BCKDHB: variants seen among roughly 807,000 people sequenced by gnomAD.
BCKDHB encodes the protein 2-oxoisovalerate dehydrogenase subunit beta, mitochondrial.
BCKDHB carries 41 observed loss-of-function variants against 48.5 expected under a neutral mutation model. The observed-to-expected ratio is 0.85, with a 90% CI of 0.66 to 1.10. The LOEUF (loss-of-function observed/expected upper bound fraction) is 1.10, where lower values mean the gene tolerates loss of function less well. Among genes scored for constraint, BCKDHB ranks in the 50% least tolerant of loss-of-function variants. The probability of loss-of-function intolerance (pLI) is 0.00; values close to 1 mark genes in which losing one functional copy is unlikely to be tolerated. For synonymous variants in BCKDHB, 201 were observed against 174.8 expected (o/e 1.15, Z -1.18); for missense variants, 496 against 494.2 (o/e 1.00, Z -0.03).
At chr6:80,326,871 A>G (rs1769054890) in intron 9 of BCKDHB, among the ~76,000 whole-genome samples, 1 of 152,132 alleles carries the variant, frequency 6.6e-6, no homozygotes, top group South Asian at 2.1e-4. Flanking sequence ...GTCTCAAAAG[A>G]AAAGAAAAAA....
intron 8 of BCKDHB, among the ~76,000 whole-genome samples, chr6:80,256,261 T>C (rs1777045990): frequency 6.6e-6 from 1 of 152,178 alleles, no homozygotes; most frequent in South Asian, 2.1e-4. Context: ...TTAGGCAATT[T>C]TGTTGTGCAA....
chr6:80,384,359 T>C, the BCKDHB span, among the ~76,000 whole-genome samples: 1 of 123,544 alleles, frequency 8.1e-6, no homozygotes, highest in South Asian at 2.6e-4. Flanking sequence ...TTTTTTTTTT[T>C]TTTTGTTGTT....
intron 9 of BCKDHB, among the ~76,000 whole-genome samples, chr6:80,323,715 C>T (rs1768865980): frequency 6.6e-6 from 1 of 152,200 alleles, no homozygotes; most frequent in South Asian, 2.1e-4. Flanking sequence ...TTTCTTCACA[C>T]TGATTGTGCT....
chr6:80,259,009 C>T (rs1320237549), intron 8 of BCKDHB, among the ~76,000 whole-genome samples: 1 of 152,074 alleles, frequency 6.6e-6, no homozygotes, highest in East Asian at 1.9e-4. Context: ...GATGTCCTGG[C>T]ATGGGGAGTG....
At position 80,252,257 on chromosome 6, in the gene BCKDHB, C is replaced by A. The variant is rs533859320; in HGVS notation, c.952-20878C>A. Among the ~76,000 whole-genome samples the A allele has an allele frequency of 5.3e-5, 8 of 152,126 alleles. No individual in the cohort carries two copies. In the South Asian group the frequency reaches 1.7e-3, roughly 32 times the overall value. ...TAAAGTAACAGAAATTTCCTTCATACAACACTGGACTTATTTTTTTCTATC... is the reference window on the plus strand; with the variant it reads ...TAAAGTAACAGAAATTTCCTTCATAAAACACTGGACTTATTTTTTTCTATC... On this transcript the variant is annotated intron_variant, in intron 8 of 9. Coordinates refer to ENST00000320393, the MANE Select transcript of BCKDHB (RefSeq NM_183050.4).
At chr6:80,310,931 C>T (rs1582549146) in intron 9 of BCKDHB, among the ~76,000 whole-genome samples, 1 of 152,070 alleles carries the variant, frequency 6.6e-6, no homozygotes, top group South Asian at 2.1e-4. Context: ...TGTCCTTTGC[C>T]CACTTTTTAA....
At chr6:80,376,578 A>C in the BCKDHB span, among the ~76,000 whole-genome samples, 4 of 152,068 alleles carry the variant, frequency 2.6e-5, no homozygotes, top group African/African-American at 9.7e-5. Flanking sequence ...CTTAGAGCAA[A>C]AGTTCACAAT....
intron 6 of BCKDHB, among the ~76,000 whole-genome samples, chr6:80,187,695 A>T (rs757993156): frequency 5.1e-4 from 78 of 152,300 alleles, no homozygotes; most frequent in Non-Finnish European, 1.1e-3. Context: ...CAGAAGAAAG[A>T]CAATCATGTA....
the BCKDHB span, among the ~76,000 whole-genome samples, chr6:80,357,333 G>A: frequency 1.3e-5 from 2 of 152,102 alleles, no homozygotes; most frequent in African/African-American, 2.4e-5. Context: ...CAGCCATAAA[G>A]GAAAAAGCAC....
At chr6:80,371,381 T>C in the BCKDHB span, among the ~76,000 whole-genome samples, 5 of 152,148 alleles carry the variant, frequency 3.3e-5, no homozygotes, top group Admixed American at 3.3e-4. Flanking sequence ...AGAGTCAGGA[T>C]ATTAATCTTT....
the BCKDHB span, among the ~76,000 whole-genome samples, chr6:80,438,989 C>T: frequency 6.6e-6 from 1 of 152,172 alleles, no homozygotes. Flanking sequence ...CAGCTATATG[C>T]AGTCATTCAG....
At chr6:80,169,540 A>G (rs530868009) in intron 5 of BCKDHB, among the ~76,000 whole-genome samples, 2 of 152,288 alleles carry the variant, frequency 1.3e-5, no homozygotes, top group South Asian at 2.1e-4. Context: ...TACTTGCTCA[A>G]CCAATTAATT....
At chr6:80,244,853 T>C (rs937496558) in intron 8 of BCKDHB, among the ~76,000 whole-genome samples, 5 of 152,188 alleles carry the variant, frequency 3.3e-5, no homozygotes, top group Non-Finnish European at 5.9e-5. Context: ...TGGATTCTCA[T>C]GGAATATTGG....
At chr6:80,323,979 A>T (rs1005847881) in intron 9 of BCKDHB, among the ~76,000 whole-genome samples, 1 of 152,088 alleles carries the variant, frequency 6.6e-6, no homozygotes, top group Non-Finnish European at 1.5e-5. Context: ...TCACCGTGTT[A>T]GCCAGGGTGG....
the BCKDHB span, among the ~76,000 whole-genome samples, chr6:80,361,023 A>G: frequency 3.3e-5 from 5 of 151,776 alleles, no homozygotes; most frequent in African/African-American, 9.7e-5. Context: ...AAAAAAGAAA[A>G]AAATGAAAAA....
chr6:80,129,610 G>C (rs1398876836), intron 3 of BCKDHB, among the ~76,000 whole-genome samples: 2 of 151,868 alleles, frequency 1.3e-5, no homozygotes, highest in Non-Finnish European at 2.9e-5. Context: ...TTATCTTTTC[G>C]GGAAGAGAGA....
At chr6:80,342,126 C>T (rs985739762) in intron 9 of BCKDHB, among the ~76,000 whole-genome samples, 2 of 152,076 alleles carry the variant, frequency 1.3e-5, no homozygotes, top group African/African-American at 4.8e-5. Context: ...GTGCTGTTTG[C>T]ATTTTCTTTC....
intron 3 of BCKDHB, among the ~76,000 whole-genome samples, chr6:80,144,623 C>G (rs991322246): frequency 4.6e-5 from 7 of 152,098 alleles, no homozygotes; most frequent in African/African-American, 1.7e-4. Context: ...CAAATAGTCT[C>G]AATGAAGCAT....
At chr6:80,399,582 C>G in the BCKDHB span, among the ~76,000 whole-genome samples, 39 of 152,064 alleles carry the variant, frequency 2.6e-4, no homozygotes, top group East Asian at 4.1e-3. Flanking sequence ...AAACATTGCT[C>G]AAAGAAATCA....
Sources: allele counts gnomAD v4.1 joint callset (sites outside exome capture counted in the v4.1 genomes callset), GRCh38; gene constraint gnomAD v4.1.1; transcripts MANE v1.5; gene names NCBI Gene and HGNC (gene_info 2026-07-23, HGNC 2026-07-21).